Variants in NOL10 observed in about 807,000 individuals in gnomAD.
The protein encoded by NOL10 is nucleolar protein 10.
Under a neutral mutation model 103.5 loss-of-function variants are expected in NOL10, and 58 were observed. The observed-to-expected ratio is 0.56, with a 90% confidence interval of 0.45 to 0.70. The LOEUF (loss-of-function observed/expected upper bound fraction) is 0.70, where lower values mean the gene tolerates loss of function less well. Ranked by LOEUF, NOL10 falls within the 30% of genes least tolerant of loss-of-function variation. NOL10 has a pLI of 0.00. For missense variants in NOL10, 763 were observed against 807.3 expected (o/e 0.95, Z 0.67); for synonymous variants, 287 against 282.5 (o/e 1.02, Z -0.16).
intron 17 of NOL10, among the ~76,000 whole-genome samples, chr2:10,593,647 A>C (rs373565464): frequency 6.6e-6 from 1 of 152,246 alleles, no homozygotes; most frequent in African/African-American, 2.4e-5. Flanking sequence ...AGCCAGAAAG[A>C]AAGCCTATTT....
At chr2:10,583,691 T>A (rs933543046) in intron 19 of NOL10, among the ~76,000 whole-genome samples, 1 of 152,256 alleles carries the variant, frequency 6.6e-6, no homozygotes, top group African/African-American at 2.4e-5. Context: ...TGCTCCTTTT[T>A]CTTTCTCACT....
chr2:10,638,214 G>T (rs745756952), intron 13 of NOL10, among the ~76,000 whole-genome samples: 16 of 152,068 alleles, frequency 1.1e-4, no homozygotes, highest in Admixed American at 1.0e-3. Context: ...GAGCCCCAAA[G>T]GATGAAGCTG....
intron 5 of NOL10, among the ~76,000 whole-genome samples, chr2:10,672,957 C>A (rs1415888431): frequency 6.6e-6 from 1 of 152,028 alleles, no homozygotes; most frequent in East Asian, 1.9e-4. Flanking sequence ...TACGCCACTG[C>A]CCCTCCGGCC....
chr2:10,610,435 T>C (rs1043662996), intron 13 of NOL10, among the ~76,000 whole-genome samples: 2 of 152,216 alleles, frequency 1.3e-5, no homozygotes, highest in Non-Finnish European at 2.9e-5. Context: ...ATCAGATTCA[T>C]GGCCATTAAA....
intron 13 of NOL10, among the ~76,000 whole-genome samples, chr2:10,626,927 G>A (rs1677507069): frequency 6.6e-6 from 1 of 152,180 alleles, no homozygotes; most frequent in African/African-American, 2.4e-5. Context: ...CTTTGAAAAT[G>A]CGACAGGATG....
At chr2:10,625,951 A>T (rs1427135033) in intron 13 of NOL10, among the ~76,000 whole-genome samples, 1 of 151,970 alleles carries the variant, frequency 6.6e-6, no homozygotes, top group Non-Finnish European at 1.5e-5. Context: ...AGATGGGAGG[A>T]TCCCTTTAGC....
At chr2:10,587,182 CATATATAT>C (rs1258775159) in intron 19 of NOL10, among the ~76,000 whole-genome samples, 2 of 42,346 alleles carry the variant, frequency 4.7e-5, no homozygotes, top group Non-Finnish European at 7.9e-5. Flanking sequence ...TATATATACA[CATATATAT>C]ACACATATAT....
intron 13 of NOL10, among the ~76,000 whole-genome samples, chr2:10,638,300 AACGTG>A (rs147968545): frequency 0.13 from 11,564 of 86,660 alleles, 774 homozygotes; most frequent in East Asian, 0.45. Flanking sequence ...AAAATAACGT[AACGTG>A]ACGTGACGTG....
intron 3 of NOL10, among the ~76,000 whole-genome samples, chr2:10,676,936 C>T (rs2148352909): frequency 7.3e-6 from 1 of 136,624 alleles, no homozygotes; most frequent in South Asian, 2.8e-4. Context: ...TCGAGGCCGG[C>T]CTCTTTTTTT....
chr2:10,604,625 A>G (rs1267544616), intron 14 of NOL10: 2 of 152,220 alleles, frequency 1.3e-5, no homozygotes, highest in African/African-American at 4.8e-5. Flanking sequence ...TAACCACTAC[A>G]TTATAAAATA....
intron 10 of NOL10, among the ~76,000 whole-genome samples, chr2:10,658,191 GGCCTATGT>G (rs1679970594): frequency 6.6e-6 from 1 of 151,994 alleles, no homozygotes; most frequent in Non-Finnish European, 1.5e-5. Context: ...ATATACTGAG[GGCCTATGT>G]ACCAGGCAGT....
intron 13 of NOL10, among the ~76,000 whole-genome samples, chr2:10,636,163 C>T (rs963645229): frequency 6.6e-6 from 1 of 152,208 alleles, no homozygotes; most frequent in Non-Finnish European, 1.5e-5. Flanking sequence ...GCTGGGATTA[C>T]AGGCATGAGC....
At chr2:10,608,533 A>G (rs1440409362) in intron 13 of NOL10, among the ~76,000 whole-genome samples, 2 of 152,194 alleles carry the variant, frequency 1.3e-5, no homozygotes, top group African/African-American at 4.8e-5. Context: ...ATGAGAGAAC[A>G]CTGGACTCGG....
intron 5 of NOL10, among the ~76,000 whole-genome samples, chr2:10,671,942 G>C (rs538878990): frequency 6.6e-6 from 1 of 152,156 alleles, no homozygotes; most frequent in South Asian, 2.1e-4. Context: ...TGAAACAAAC[G>C]CCCTTCATTT....
intron 1 of NOL10, 69 bp from the exon 2 acceptor site, chr2:10,684,681 A>C: frequency 8.8e-7 from 1 of 1,136,410 alleles, no homozygotes; most frequent in Non-Finnish European, 1.3e-6. Flanking sequence ...TTGCAAAATC[A>C]ATACATGCTT....
At chr2:10,625,173 T>C (rs181462193) in intron 13 of NOL10, among the ~76,000 whole-genome samples, 25 of 152,298 alleles carry the variant, frequency 1.6e-4, no homozygotes, top group African/African-American at 5.8e-4. Flanking sequence ...AGGGAGACTA[T>C]TCTATGTGAT....
At chr2:10,586,966 A>C (rs541056716) in intron 19 of NOL10, among the ~76,000 whole-genome samples, 2 of 148,762 alleles carry the variant, frequency 1.3e-5, no homozygotes, top group East Asian at 3.9e-4. Flanking sequence ...AAAAAAAATG[A>C]AGTTTTCAGG....
intron 13 of NOL10, among the ~76,000 whole-genome samples, chr2:10,618,835 T>C (rs921391239): frequency 2.6e-5 from 4 of 152,178 alleles, no homozygotes; most frequent in African/African-American, 7.2e-5. Context: ...AGCAAACTTA[T>C]CTGAAAAGAC....
At chr2:10,671,409 C>CTTT (rs5829273) in intron 6 of NOL10, 145 bp downstream of exon 6, 59 of 458,730 alleles carry the variant, frequency 1.3e-4, no homozygotes, top group African/African-American at 3.0e-4. Flanking sequence ...GTTTTCTTTT[C>CTTT]TTTTTTTTTT....
Sources: gnomAD v4.1 joint callset for allele counts (sites outside exome capture counted in the v4.1 genomes callset) on GRCh38, gnomAD v4.1.1 for gene constraint, MANE v1.5 for transcripts, NCBI Gene and HGNC (gene_info 2026-07-23, HGNC 2026-07-21) for gene names.